The following A2M variants were observed in gnomAD, a reference collection of about 807,000 sequenced individuals.
The protein encoded by A2M is C3 and PZP-like alpha-2-macroglobulin domain-containing protein 5.
Under a neutral mutation model 183.9 loss-of-function variants are expected in A2M, and 128 were observed. That is an observed-to-expected ratio of 0.70 (90% CI 0.60 to 0.81). The LOEUF is 0.81. Among genes scored for constraint, A2M ranks in the 30% least tolerant of loss-of-function variants. The probability of loss-of-function intolerance (pLI) is 0.00; values close to 1 mark genes in which losing one functional copy is unlikely to be tolerated. For missense variants in A2M, 1,495 were observed against 1,787.6 expected, an observed-to-expected ratio of 0.84 and a Z score of 2.95; for synonymous variants, 592 against 670.8, an observed-to-expected ratio of 0.88 and a Z score of 1.81.
At chr12:9,086,390 C>A (rs1949053088) in intron 22 of A2M, among the ~76,000 whole-genome samples, 1 of 152,130 alleles carries the variant, frequency 6.6e-6, no homozygotes, top group African/African-American at 2.4e-5. Flanking sequence ...CAACCAACCA[C>A]ACGAAATAAA....
intron 17 of A2M, 98 bp from the exon 18 acceptor site, chr12:9,093,677 A>C: frequency 1.6e-4 from 104 of 653,430 alleles, no homozygotes; most frequent in East Asian, 2.8e-4. Context: ...CAAAAAACAA[A>C]TCGTCTGATG....
chr12:9,102,560 C>A (rs140757190), intron 11 of A2M, among the ~76,000 whole-genome samples: 6 of 152,134 alleles, frequency 3.9e-5, no homozygotes, highest in African/African-American at 9.7e-5. Flanking sequence ...GATTCTAATA[C>A]CTCAGAGGCC....
At chr12:9,098,806 A>G (rs1293317825) in intron 14 of A2M, 50 bp from the exon 15 acceptor site, 2 of 1,593,166 alleles carry the variant, frequency 1.3e-6, no homozygotes, top group Non-Finnish European at 1.7e-6. Flanking sequence ...AGGTTTACCC[A>G]TGCATTCACT....
At position 9,099,365 on chromosome 12, in the gene A2M, G is replaced by C; in HGVS notation, c.1701+16C>G. 6.4e-7 allele frequency: 1 copy of C among 1,550,608 alleles called. No homozygotes were observed. Among genetic ancestry groups the C allele is most frequent in the Admixed American group, 2.0e-5 (1 of 50,982 alleles). ...TAGTTTTACATGTTGAAGATTTTAT[G>C]ATCTAAAACACACACCTTGTTGGCC... On this transcript the variant is annotated intron_variant, in intron 14 of 35. Coordinates refer to ENST00000318602, the MANE Select transcript of A2M (RefSeq NM_000014.6).
In A2M at chr12:9,079,717, A is replaced by G. The variant is rs1948851574; in HGVS notation, c.2953T>C (p.Tyr985His). ...GTTTCATTTAGATAATCCAGTACATAGATGTTAGGAGCAAAGAGGACCATA... is the reference window on the plus strand; with the variant it reads ...GTTTCATTTAGATAATCCAGTACATGGATGTTAGGAGCAAAGAGGACCATA... ...QNMVLFAPNI[Y>H]VLDYLNETQQ... The change falls in exon 24 of 36, where the codon TAT (tyrosine) becomes CAT (histidine). Residue 985 changes from tyrosine (Y) to histidine (H), a missense_variant. Transcript: ENST00000318602. The G allele has an allele frequency of 1.2e-6, 2 of 1,613,686 alleles. No individual in the cohort carries two copies. Among genetic ancestry groups the G allele is most frequent in the African/African-American group, 2.7e-5 (2 of 75,040 alleles).
intron 8 of A2M, 37 bp downstream of exon 8, chr12:9,107,487 T>C (rs373378360): frequency 2.5e-6 from 4 of 1,609,228 alleles, no homozygotes; most frequent in African/African-American, 2.7e-5. Flanking sequence ...ACAATGCCTT[T>C]ATCGCTATTC....
chr12:9,076,737 A>G lies in A2M; in HGVS notation c.3532+19T>C. The G allele has an allele frequency of 3.1e-6, 5 of 1,613,592 alleles. No individual in the cohort carries two copies. Among genetic ancestry groups the G allele is most frequent in the Non-Finnish European group, 4.2e-6 (5 of 1,179,704 alleles). On this transcript the variant is annotated intron_variant, in intron 28 of 35. Coordinates refer to ENST00000318602, the MANE Select transcript of A2M (RefSeq NM_000014.6). ...ATACAGAGGATGGGCCAGGAGAAGG[A>G]TCTCAGGTGTGCTCTCACCTTTCTT...
At chr12:9,070,274 A>G (rs1375909124) in intron 32 of A2M, among the ~76,000 whole-genome samples, 1 of 152,240 alleles carries the variant, frequency 6.6e-6, no homozygotes, top group Non-Finnish European at 1.5e-5. Context: ...GAACCTGCTG[A>G]CAATCTTTTT....
intron 22 of A2M, among the ~76,000 whole-genome samples, chr12:9,083,182 T>C (rs773575899): frequency 1.8e-4 from 27 of 152,140 alleles, no homozygotes; most frequent in African/African-American, 5.1e-4. Context: ...TAGGTGGGAA[T>C]TGAACAATGA....
intron 17 of A2M, among the ~76,000 whole-genome samples, chr12:9,093,917 AAC>A (rs1565592229): frequency 1.1e-4 from 16 of 151,312 alleles, no homozygotes; most frequent in African/African-American, 2.2e-4. Flanking sequence ...ACAAACAAAC[AAC>A]AAAAAAAAAC....
Position 9,080,083 on chromosome 12 carries a change from TG to T in A2M, c.2854+10del. ...GTTAATGCCCGGATCCACTAGGGGCTGGAGACTCACCCAAAACTGAGACAGA... is the reference window on the plus strand; with the variant it reads ...GTTAATGCCCGGATCCACTAGGGGCTGAGACTCACCCAAAACTGAGACAGA... On this transcript the variant is annotated intron_variant, in intron 23 of 35. Transcript: ENST00000318602. The T allele has an allele frequency of 6.4e-7, 1 of 1,569,174 alleles. No individual in the cohort carries two copies. The highest frequency in any genetic ancestry group is 8.7e-7 in the Non-Finnish European group (1 of 1,154,168).
chr12:9,077,594 A>G (rs1005952906), intron 26 of A2M, 107 bp downstream of exon 26: 8 of 1,534,926 alleles, frequency 5.2e-6, no homozygotes, highest in Middle Eastern at 1.8e-4. Flanking sequence ...TCCAGGTTTT[A>G]TTTTCCTCTG....
rs1949479084 is a variant in A2M, at chr12:9,099,305, AC to A, written c.1701+75del. ...TTTAACCCTTTTGGCCCTAATGTTC[AC>A]ATGTGTAAAACAAATGATAACAATA... On this transcript the variant is annotated intron_variant, in intron 14 of 35. Transcript: ENST00000318602. 1.1e-5 allele frequency: 15 copies of A among 1,405,664 alleles called. No individual in the cohort carries two copies. In the South Asian group the frequency reaches 1.8e-4, roughly 17 times the overall value. 87.1% of individuals were successfully genotyped at this position (1,405,664 alleles called of 1,614,324 possible).
intron 15 of A2M, among the ~76,000 whole-genome samples, chr12:9,097,178 T>A (rs1004352857): frequency 6.6e-6 from 1 of 152,178 alleles, no homozygotes; most frequent in Non-Finnish European, 1.5e-5. Flanking sequence ...TTCCCACATA[T>A]CCTCTTGAGA....
At chr12:9,072,264 A>G (rs1948600004) in intron 31 of A2M, 95 bp downstream of exon 31, 2 of 1,406,162 alleles carry the variant, frequency 1.4e-6, no homozygotes, top group East Asian at 4.6e-5. Context: ...AATAGTGCAA[A>G]TATCTACTGT....
chr12:9,092,260 C>T (rs1279390135), intron 18 of A2M, among the ~76,000 whole-genome samples: 1 of 152,154 alleles, frequency 6.6e-6, no homozygotes, highest in African/African-American at 2.4e-5. Context: ...CATCAAGCAC[C>T]CCAATGTTTA....
Position 9,089,966 on chromosome 12 carries a change from G to A in A2M, c.2654C>T (p.Thr885Ile). Reference sequence around the variant, plus strand: ...GTGTTCAGGAACTGAAGGCACCTCAGTCCCACACAGCTCTTGAGACTCTAG... The same window carrying A: ...GTGTTCAGGAACTGAAGGCACCTCAATCCCACACAGCTCTTGAGACTCTAG... ...EALESQELCG[T>I]EVPSVPEHGR... The change falls in exon 21 of 36, where the codon ACT becomes ATT. Residue 885 changes from threonine to isoleucine, a missense_variant. Transcript: ENST00000318602. 3 of 1,611,866 alleles carry A rather than the reference G, an allele frequency of 1.9e-6. No individual in the cohort carries two copies. The highest frequency in any genetic ancestry group is 2.5e-6 in the Non-Finnish European group (3 of 1,178,314).
rs1320242371 is a variant in A2M at position 9,079,987 on chromosome 12, G to A, written c.2854+107C>T. Reference sequence around the variant, plus strand: ...TAAACAAGCCCAAAGAAGAAGAGAAGAAAGAAGTTAAAATTATAGTATTAT... The same window carrying A: ...TAAACAAGCCCAAAGAAGAAGAGAAAAAAGAAGTTAAAATTATAGTATTAT... On this transcript the variant is annotated intron_variant, in intron 23 of 35. Transcript: ENST00000318602. 5.3e-6 allele frequency: 5 copies of A among 935,426 alleles called. No homozygotes were observed. The East Asian group carries it at 1.4e-4, about 26-fold the overall frequency. The allele number at this position is 935,426 out of a possible 1,614,324, so 57.9% of individuals were successfully genotyped here. A position where few individuals can be genotyped will look rare whatever the true frequency, so the allele number is the denominator to read the frequency against.
intron 1 of A2M, 142 bp from the exon 2 acceptor site, chr12:9,113,685 G>C: frequency 2.6e-6 from 2 of 761,324 alleles, no homozygotes; most frequent in Non-Finnish European, 4.2e-6. Flanking sequence ...TTTGGCCGTT[G>C]AAGGCCATGC....
Sources: gnomAD v4.1 joint callset for allele counts (sites outside exome capture counted in the v4.1 genomes callset) on GRCh38, gnomAD v4.1.1 for gene constraint, MANE v1.5 for transcripts, NCBI Gene and HGNC (gene_info 2026-07-23, HGNC 2026-07-21) for gene names.